Variants in GAB4 observed in about 807,000 individuals in gnomAD.
GAB4 encodes GRB2-associated-binding protein 4.
A neutral mutation model predicts 51.3 loss-of-function variants in GAB4; 26 were observed. The ratio of observed to expected loss-of-function variants is 0.51; its 90% CI spans 0.37 to 0.70. The LOEUF (loss-of-function observed/expected upper bound fraction) is 0.70. Ranked by LOEUF, GAB4 falls within the 30% of genes least tolerant of loss-of-function variation. GAB4 has a pLI of 0.00. For missense variants in GAB4, 759 were observed against 734.6 expected (o/e 1.03, Z -0.38); for synonymous variants, 329 against 291.2 (o/e 1.13, Z -1.32).
rs367941163 is a variant in GAB4 at position 16,988,322 on chromosome 22, G to A, written c.479-155C>T. On this transcript the variant is annotated intron_variant, in intron 2 of 9. Coordinates refer to ENST00000400588, the MANE Select transcript of GAB4 (RefSeq NM_001037814.1). The stretch of plus-strand genomic sequence containing the variant: ...CCCAGAGGAGGGCTGGGGCCTCCTG[G>A]CTATCCTGGCTGAGGAGCAGACGCT... 2.6e-5 allele frequency among the ~76,000 whole-genome samples: 4 copies of A among 152,204 alleles called. No homozygotes were observed. In the East Asian group the frequency reaches 5.8e-4, roughly 22 times the overall value.
chr22:16,993,776 C>G (rs1426870976), intron 1 of GAB4, among the ~76,000 whole-genome samples: 1 of 152,166 alleles, frequency 6.6e-6, no homozygotes, highest in Admixed American at 6.5e-5. Flanking sequence ...TTCTCAACTT[C>G]TCTCCCTTTA....
rs2060916926 is a variant in GAB4, at chr22:16,991,892, G to A, written c.459C>T (p.Phe153=). 1 of 1,613,572 alleles carries A rather than the reference G, an allele frequency of 6.2e-7. No individual in the cohort carries two copies. Among genetic ancestry groups the A allele is most frequent in the African/African-American group, 1.3e-5 (1 of 74,932 alleles). Residue 153 remains phenylalanine, a synonymous_variant, in exon 2 of 10, where the codon TTC becomes TTT. Coordinates refer to ENST00000400588, the MANE Select transcript of GAB4 (RefSeq NM_001037814.1). ...CCATACCTGTGCTTTCCTCCTGCCT[G>A]AAGCCACAGATCTGACAGATGCTCT... ...WVQSICQICG[F]RQEESTGFLG...
At chr22:17,006,446 G>A (rs560495434) in intron 1 of GAB4, among the ~76,000 whole-genome samples, 2 of 152,314 alleles carry the variant, frequency 1.3e-5, no homozygotes, top group South Asian at 2.1e-4. Flanking sequence ...AAGACAGTGT[G>A]GCGACTCCTC....
chr22:16,976,651 T>C lies in GAB4; in HGVS notation c.687-6458A>G, dbSNP rs139165011. 7.3e-3 allele frequency among the ~76,000 whole-genome samples: 1,105 copies of C among 151,842 alleles called. 5 individuals are homozygous for C. Among genetic ancestry groups the C allele is most frequent in the Non-Finnish European group, 0.012 (805 of 67,926 alleles). On this transcript the variant is annotated intron_variant, in intron 3 of 9. Coordinates refer to ENST00000400588, the MANE Select transcript of GAB4 (RefSeq NM_001037814.1). ...CTAGCAAGAGAAGCCAACATTCAAA[T>C]TCAGGAAATACAGAGAACACCACCA...
chr22:16,993,310 C>T lies in GAB4; in HGVS notation c.175-1134G>A, dbSNP rs571203407. 3.3e-4 allele frequency among the ~76,000 whole-genome samples: 50 copies of T among 152,290 alleles called. No individual in the cohort carries two copies. In the South Asian group the frequency reaches 6.0e-3, roughly 18 times the overall value. On this transcript the variant is annotated intron_variant, in intron 1 of 9. Transcript: ENST00000400588. ...GTCTCGGCTATTGGAATCACCACCACCACCACCTGCCCTAAGTACCTCATA... is the reference window on the plus strand; with the variant it reads ...GTCTCGGCTATTGGAATCACCACCATCACCACCTGCCCTAAGTACCTCATA...
intron 2 of GAB4, 129 bp downstream of exon 2, chr22:16,991,744 A>G: frequency 1.3e-6 from 1 of 766,162 alleles, no homozygotes; most frequent in South Asian, 1.7e-5. Flanking sequence ...AAACACCAAA[A>G]ATGCCTTTAG....
chr22:16,970,239 G>A lies in GAB4; in HGVS notation c.687-46C>T, dbSNP rs778259673. 1.1e-5 allele frequency: 18 copies of A among 1,606,456 alleles called. No homozygotes were observed. The Admixed American group carries it at 3.0e-4, about 27-fold the overall frequency. On this transcript the variant is annotated intron_variant, in intron 3 of 9. Coordinates refer to ENST00000400588, the MANE Select transcript of GAB4 (RefSeq NM_001037814.1). ...AAGGGGCAGGGGTGAGAGGAGGCCA[G>A]GACTGCCCCAGGGAGGCAGGCGGGG...
At chr22:16,972,209 G>A (rs1395834379) in intron 3 of GAB4, among the ~76,000 whole-genome samples, 2 of 152,222 alleles carry the variant, frequency 1.3e-5, no homozygotes, top group Non-Finnish European at 2.9e-5. Context: ...CAGTGGAGGA[G>A]GTGTCACGAA....
intron 7 of GAB4, 146 bp from the exon 8 acceptor site, chr22:16,965,008 T>C (rs1387438257): frequency 8.1e-6 from 6 of 743,272 alleles, no homozygotes; most frequent in Non-Finnish European, 1.3e-5. Context: ...GGGATCATTA[T>C]TCCCCCTTTA....
chr22:16,964,453 C>T (rs2060654297), intron 8 of GAB4, among the ~76,000 whole-genome samples: 1 of 152,214 alleles, frequency 6.6e-6, no homozygotes, highest in African/African-American at 2.4e-5. Flanking sequence ...ATGTGTGTCT[C>T]CCCATGGCGA....
Position 16,988,130 on chromosome 22 carries a change from G to A in GAB4, c.516C>T (p.Leu172=). 2.5e-6 allele frequency: 4 copies of A among 1,613,320 alleles called. No individual in the cohort carries two copies. Residue 172 remains leucine (L), a synonymous_variant, in exon 3 of 10, where the codon CTC becomes CTT. Transcript: ENST00000400588. ...AGCTGGGCTCAGCTGGAGAAGAGCA[G>A]AGGCCGTGACTGGCTGAGGAAATGT... ...LGNISSASHG[L]CSSPAEPSCS...
At chr22:16,993,346 G>A (rs1202497062) in intron 1 of GAB4, among the ~76,000 whole-genome samples, 1 of 152,082 alleles carries the variant, frequency 6.6e-6, no homozygotes, top group Non-Finnish European at 1.5e-5. Context: ...GTTTTATTAT[G>A]CAAACAAACT....
intron 3 of GAB4, among the ~76,000 whole-genome samples, chr22:16,983,260 G>A (rs939024726): frequency 1.8e-4 from 28 of 152,172 alleles, no homozygotes; most frequent in East Asian, 7.7e-4. Flanking sequence ...CACAGCCTCC[G>A]TACTAGCATT....
intron 2 of GAB4, 56 bp from the exon 3 acceptor site, chr22:16,988,223 C>G: frequency 8.6e-7 from 1 of 1,166,900 alleles, no homozygotes; most frequent in Non-Finnish European, 1.3e-6. Flanking sequence ...CTGCTAGAGG[C>G]AGAAACACAT....
chr22:17,003,871 T>G (rs1601294444), intron 1 of GAB4, among the ~76,000 whole-genome samples: 1 of 151,936 alleles, frequency 6.6e-6, no homozygotes, highest in East Asian at 1.9e-4. Flanking sequence ...CTTCAAAAAA[T>G]CAGTAAGTTT....
At chr22:16,966,425 A>G (rs984808231) in intron 5 of GAB4, 61 bp from the exon 6 acceptor site, 2 of 1,530,204 alleles carry the variant, frequency 1.3e-6, no homozygotes, top group African/African-American at 1.4e-5. Flanking sequence ...TAGGAATGAG[A>G]ATTTCTAGAC....
chr22:16,988,668 T>C (rs11704768), intron 2 of GAB4, among the ~76,000 whole-genome samples: 4,930 of 152,314 alleles, frequency 0.032, 111 homozygotes, highest in Non-Finnish European at 0.048. Context: ...AGAGGTATCA[T>C]GGACAGGTAG....
chr22:16,971,537 T>A (rs547695544), intron 3 of GAB4, among the ~76,000 whole-genome samples: 3 of 152,318 alleles, frequency 2.0e-5, no homozygotes, highest in African/African-American at 7.2e-5. Flanking sequence ...CCTCCTAGGA[T>A]TTAATGTGGG....
intron 1 of GAB4, among the ~76,000 whole-genome samples, chr22:17,003,895 TA>T (rs963243805): frequency 3.8e-4 from 58 of 151,772 alleles, no homozygotes; most frequent in Non-Finnish European, 6.5e-4. Flanking sequence ...AGCTGTTTTT[TA>T]AAAAATTAGA....
Sources: gnomAD v4.1 joint callset for allele counts (sites outside exome capture counted in the v4.1 genomes callset) on GRCh38, gnomAD v4.1.1 for gene constraint, MANE v1.5 for transcripts, NCBI Gene and HGNC (gene_info 2026-07-23, HGNC 2026-07-21) for gene names.